The following ARHGEF4 variants were observed in gnomAD, a reference collection of about 807,000 sequenced individuals.
ARHGEF4 encodes the protein APC-stimulated guanine nucleotide exchange factor 1.
A neutral mutation model predicts 162.0 loss-of-function variants in ARHGEF4; 119 were observed. That is an observed-to-expected ratio of 0.73 (90% CI 0.63 to 0.86). The LOEUF is 0.86. Ranked by LOEUF, ARHGEF4 falls within the 40% of genes least tolerant of loss-of-function variation. The probability of loss-of-function intolerance (pLI) is 0.00; values close to 1 mark genes in which losing one functional copy is unlikely to be tolerated. For missense variants in ARHGEF4, 2,488 were observed against 2,456.0 expected (o/e 1.01, Z -0.28); for synonymous variants, 1,014 against 979.9 (o/e 1.03, Z -0.65).
chr2:130,926,810 A>ATTTTTTTTT (rs55904944), intron 2 of ARHGEF4, among the ~76,000 whole-genome samples: 3,981 of 48,904 alleles, frequency 0.081, 1,606 homozygotes, highest in East Asian at 0.14. Context: ...CTTCTGGCTG[A>ATTTTTTTTT]TTTTTTTTTT....
chr2:131,041,430 C>G lies in ARHGEF4; in HGVS notation c.4863C>G (p.Ala1621=), dbSNP rs374604987. ...TCTGCAAGTACCCTCTGCAGCTGGC[C>G]GAGCTGCTCAAATACACGCACCCCC... ...QKICKYPLQL[A]ELLKYTHPQH... is the part of the protein sequence containing the mutation. The change falls in exon 9 of 14, where the codon GCC becomes GCG. Residue 1621 remains alanine (A), a synonymous_variant. Coordinates refer to ENST00000409359, the MANE Select transcript of ARHGEF4 (RefSeq NM_001367493.1). 1 of 1,613,012 alleles carries G rather than the reference C, an allele frequency of 6.2e-7. No homozygotes were observed. Among genetic ancestry groups the G allele is most frequent in the East Asian group, 2.2e-5 (1 of 44,886 alleles).
chr2:130,854,978 A>G (rs1263063100), intron 1 of ARHGEF4, among the ~76,000 whole-genome samples: 4 of 151,626 alleles, frequency 2.6e-5, no homozygotes, highest in African/African-American at 4.9e-5. Context: ...GGTTCACGCC[A>G]TTCTCCCACC....
chr2:131,031,685 C>G (rs867817993), intron 5 of ARHGEF4, among the ~76,000 whole-genome samples: 1 of 152,220 alleles, frequency 6.6e-6, no homozygotes, highest in South Asian at 2.1e-4. Flanking sequence ...GGAATGCAGA[C>G]GCTGAGTGTT....
rs370366699 is a variant in ARHGEF4 at position 130,992,861 on chromosome 2, A to G, written c.3986-35084A>G. ...CACTTTGGGAGGCTGAGGTGGGTAG[A>G]TAACATGAGGCCAGGGATTCGAGAC... On this transcript the variant is annotated intron_variant, in intron 4 of 13. Coordinates refer to ENST00000409359, the MANE Select transcript of ARHGEF4 (RefSeq NM_001367493.1). Among the ~76,000 whole-genome samples the G allele has an allele frequency of 7.4e-4, 112 of 152,358 alleles. 1 individual carries two copies. Among genetic ancestry groups the G allele is most frequent in the African/African-American group, 2.5e-3 (103 of 41,600 alleles).
chr2:131,038,388 G>A (rs573149514), intron 5 of ARHGEF4, among the ~76,000 whole-genome samples: 44 of 136,792 alleles, frequency 3.2e-4, no homozygotes, highest in Non-Finnish European at 4.8e-4. Context: ...TCTCCCTCCT[G>A]CAGCCTTGCA....
intron 1 of ARHGEF4, among the ~76,000 whole-genome samples, chr2:130,853,206 A>G (rs111531165): frequency 3.2e-4 from 49 of 152,286 alleles, no homozygotes; most frequent in African/African-American, 1.1e-3. Flanking sequence ...ATGATGATTC[A>G]CAGTGCGGGT....
In ARHGEF4 at chr2:130,992,154, G is replaced by A. The variant is rs548483854; in HGVS notation, c.3986-35791G>A. 1.3e-4 allele frequency among the ~76,000 whole-genome samples: 20 copies of A among 152,234 alleles called. No individual in the cohort carries two copies. The South Asian group carries it at 4.1e-3, about 32-fold the overall frequency. ...GGGACGAGGCGAACCTTTGTATCTA[G>A]CTCAGGGATTGTAAACGCACCAATC... On this transcript the variant is annotated intron_variant, in intron 4 of 13. Transcript: ENST00000409359.
chr2:130,977,244 C>T (rs952109918), intron 4 of ARHGEF4, among the ~76,000 whole-genome samples: 11 of 150,352 alleles, frequency 7.3e-5, no homozygotes, highest in Non-Finnish European at 1.2e-4. Context: ...GTGGTGTATG[C>T]TGTGCATGTG....
chr2:130,935,586 C>G (rs1239478256), intron 3 of ARHGEF4, among the ~76,000 whole-genome samples: 2 of 152,176 alleles, frequency 1.3e-5, no homozygotes, highest in Non-Finnish European at 2.9e-5. Context: ...TTTCATTCAT[C>G]TCACAGTATT....
Position 130,845,436 on chromosome 2 carries a change from G to GT in ARHGEF4, c.39+8445dup, listed in dbSNP as rs532637222. 3.6e-3 allele frequency among the ~76,000 whole-genome samples: 545 copies of GT among 151,766 alleles called. 10 individuals carry two copies. Among genetic ancestry groups the GT allele is most frequent in the Non-Finnish European group, 1.5e-3 (104 of 67,918 alleles). Reference sequence around the variant, plus strand: ...GAGGCAGGAGGATCATGGGAGCCCAGTACAGGCACCCGCCACCACACCCGG... The same window carrying GT: ...GAGGCAGGAGGATCATGGGAGCCCAGTTACAGGCACCCGCCACCACACCCGG... On this transcript the variant is annotated intron_variant, in intron 1 of 13. Coordinates refer to ENST00000409359, the MANE Select transcript of ARHGEF4 (RefSeq NM_001367493.1).
chr2:130,970,148 A>G (rs1334467635), intron 4 of ARHGEF4, among the ~76,000 whole-genome samples: 1 of 152,206 alleles, frequency 6.6e-6, no homozygotes, highest in African/African-American at 2.4e-5. Flanking sequence ...TCTCTTGGGT[A>G]AATACCTAGG....
chr2:130,941,212 T>TTA (rs1379296700), intron 3 of ARHGEF4, among the ~76,000 whole-genome samples: 2 of 150,100 alleles, frequency 1.3e-5, no homozygotes, highest in African/African-American at 4.9e-5. Flanking sequence ...CATTTATAAT[T>TTA]TTTTTTTTTT....
chr2:130,918,487 G>A (rs966493764), intron 2 of ARHGEF4, among the ~76,000 whole-genome samples: 6 of 152,238 alleles, frequency 3.9e-5, no homozygotes, highest in African/African-American at 1.2e-4. Context: ...AAGCGATGCC[G>A]AGTCTTCCGC....
chr2:130,991,181 T>A (rs1224966913), intron 4 of ARHGEF4, among the ~76,000 whole-genome samples: 12 of 152,322 alleles, frequency 7.9e-5, no homozygotes, highest in Non-Finnish European at 7.4e-5. Flanking sequence ...GTAGACAATA[T>A]TTAAAGCAAT....
chr2:130,905,595 C>A (rs1052252761), intron 1 of ARHGEF4, among the ~76,000 whole-genome samples: 1 of 151,876 alleles, frequency 6.6e-6, no homozygotes, highest in East Asian at 1.9e-4. Context: ...AGCAGCCCCC[C>A]CAACTTATCC....
rs914856648 is a variant in ARHGEF4, at chr2:130,917,322, G to A, written c.3376G>A (p.Val1126Met). ...SMVSLGSYSY[V>M]DSSSGDPERP... ...GGTTTCTCTTGGAAGCTACAGCTAC[G>A]TGGACAGCAGTTCAGGGGACCCTGA... The change falls in exon 2 of 14, where the codon GTG (valine) becomes ATG (methionine). Residue 1126 changes from valine (V) to methionine (M), a missense_variant. By Grantham distance (21) the Val-to-Met change is conservative (BLOSUM62 1). Coordinates refer to ENST00000409359, the MANE Select transcript of ARHGEF4 (RefSeq NM_001367493.1). 82 of 1,550,488 alleles carry A rather than the reference G, an allele frequency of 5.3e-5. No homozygotes were observed. Among genetic ancestry groups the A allele is most frequent in the Non-Finnish European group, 6.8e-5 (78 of 1,147,010 alleles).
chr2:131,037,689 G>C (rs1213628568), intron 5 of ARHGEF4, among the ~76,000 whole-genome samples: 2 of 152,270 alleles, frequency 1.3e-5, no homozygotes, highest in Non-Finnish European at 2.9e-5. Flanking sequence ...CATGTTAGGA[G>C]AAAGCAGGGG....
intron 4 of ARHGEF4, among the ~76,000 whole-genome samples, chr2:130,999,647 C>G (rs1687642461): frequency 6.6e-6 from 1 of 152,122 alleles, no homozygotes; most frequent in Admixed American, 6.5e-5. Flanking sequence ...CCCATTTTTC[C>G]TAAATCTTGC....
intron 4 of ARHGEF4, among the ~76,000 whole-genome samples, chr2:131,003,196 A>G (rs1236155237): frequency 6.6e-6 from 1 of 152,184 alleles, no homozygotes; most frequent in African/African-American, 2.4e-5. Context: ...GGCCAGGGGA[A>G]TGGAGGACCA....
Sources: allele counts gnomAD v4.1 joint callset (sites outside exome capture counted in the v4.1 genomes callset), GRCh38; gene constraint gnomAD v4.1.1; transcripts MANE v1.5; gene names NCBI Gene and HGNC (gene_info 2026-07-23, HGNC 2026-07-21).